The following UBE2H variants were observed in gnomAD, a reference collection of about 807,000 sequenced individuals.
The protein encoded by UBE2H is ubiquitin conjugating enzyme E2 H.
A neutral mutation model predicts 29.0 loss-of-function variants in UBE2H; 3 were observed. That is an observed-to-expected ratio of 0.10 (90% CI 0.05 to 0.27). The LOEUF is 0.27. Among genes scored for constraint, UBE2H ranks in the 10% least tolerant of loss-of-function variants. The pLI is 1.00. For missense variants in UBE2H, 68 were observed against 228.2 expected, an observed-to-expected ratio of 0.30 and a Z score of 4.52; for synonymous variants, 69 against 82.9, an observed-to-expected ratio of 0.83 and a Z score of 0.91.
intron 1 of UBE2H, among the ~76,000 whole-genome samples, chr7:129,929,355 C>T (rs1384446433): frequency 6.6e-6 from 1 of 151,270 alleles, no homozygotes; most frequent in African/African-American, 2.4e-5. Context: ...ATTTAATGCA[C>T]CATATCCCGT....
At position 129,895,336 on chromosome 7, in the gene UBE2H, A is replaced by C. The variant is rs374706226; in HGVS notation, c.54-14365T>G. On this transcript the variant is annotated intron_variant, in intron 1 of 6. Coordinates refer to ENST00000355621, the MANE Select transcript of UBE2H (RefSeq NM_003344.4). ...TGGAGGGGAGACGAAACCATTGCGC[A>C]CATGAGAAAAACATGCAGGAAGAAC... is the stretch of plus-strand genomic sequence containing the variant. Among the ~76,000 whole-genome samples, 57 of 152,306 alleles carry C rather than the reference A, an allele frequency of 3.7e-4. No individual in the cohort carries two copies. In the South Asian group the frequency reaches 0.011, roughly 30 times the overall value.
At chr7:129,950,206 G>A (rs1807846360) in intron 1 of UBE2H, among the ~76,000 whole-genome samples, 1 of 152,008 alleles carries the variant, frequency 6.6e-6, no homozygotes, top group African/African-American at 2.4e-5. Flanking sequence ...AAATAAACAC[G>A]AAACAAAGAT....
chr7:129,854,072 T>TTTTTTATTTTTTTTTTA, intron 5 of UBE2H, among the ~76,000 whole-genome samples: 1 of 149,926 alleles, frequency 6.7e-6, no homozygotes, highest in African/African-American at 2.4e-5. Context: ...TTTTTTTTTT[T>TTTTTTATTTTTTTTTTA]TTTTTTTTTT....
intron 6 of UBE2H, among the ~76,000 whole-genome samples, chr7:129,835,674 C>T (rs752970757): frequency 1.3e-5 from 2 of 152,290 alleles, no homozygotes; most frequent in Admixed American, 6.5e-5. Flanking sequence ...GCTGCTACAG[C>T]CTTGGTGGAA....
chr7:129,900,909 C>T (rs987905997), intron 1 of UBE2H, among the ~76,000 whole-genome samples: 2 of 151,954 alleles, frequency 1.3e-5, no homozygotes, highest in Non-Finnish European at 1.5e-5. Flanking sequence ...CACCACCACG[C>T]CCGGCTAATT....
At chr7:129,904,284 T>C (rs1344830594) in intron 1 of UBE2H, among the ~76,000 whole-genome samples, 2 of 150,798 alleles carry the variant, frequency 1.3e-5, no homozygotes, top group African/African-American at 4.8e-5. Context: ...TTAAGGTGTG[T>C]CTTTTTTTTT....
intron 3 of UBE2H, among the ~76,000 whole-genome samples, chr7:129,861,858 A>G (rs1200263366): frequency 6.6e-6 from 1 of 152,226 alleles, no homozygotes; most frequent in Admixed American, 6.5e-5. Context: ...ACTGCACTCC[A>G]GCCTGGAAGC....
At chr7:129,937,205 T>C (rs1421120493) in intron 1 of UBE2H, among the ~76,000 whole-genome samples, 1 of 151,930 alleles carries the variant, frequency 6.6e-6, no homozygotes, top group African/African-American at 2.4e-5. Context: ...GGCAGGCACC[T>C]GTAGCCCCAG....
At position 129,934,217 on chromosome 7, in the gene UBE2H, G is replaced by A. The variant is rs578082826; in HGVS notation, c.53+18286C>T. ...CACGACTGTACTCCTAGCTACTCAG[G>A]AGGCTGAGGCAGGAGGACCGCTTGA... is the stretch of plus-strand genomic sequence containing the variant. On this transcript the variant is annotated intron_variant, in intron 1 of 6. Transcript: ENST00000355621. Among the ~76,000 whole-genome samples, 3 of 152,264 alleles carry A rather than the reference G, an allele frequency of 2.0e-5. No homozygotes were observed. In the East Asian group the frequency reaches 5.8e-4, roughly 29 times the overall value.
intron 5 of UBE2H, among the ~76,000 whole-genome samples, chr7:129,852,048 G>A (rs138263225): frequency 3.0e-4 from 46 of 152,298 alleles, no homozygotes; most frequent in Non-Finnish European, 2.6e-4. Flanking sequence ...GATGACGTTT[G>A]TGATTCAACA....
In UBE2H at chr7:129,900,531, A is replaced by T. The variant is rs150556610; in HGVS notation, c.54-19560T>A. 3.1e-3 allele frequency among the ~76,000 whole-genome samples: 471 copies of T among 152,120 alleles called. 6 individuals are homozygous for T. The highest frequency in any genetic ancestry group is 0.011 in the African/African-American group (440 of 41,496). ...TTGGAGTATCAGGATTTTCAACCTC[A>T]CCCCCATGTTTCTTCTTCCTCTCCA... On this transcript the variant is annotated intron_variant, in intron 1 of 6. Coordinates refer to ENST00000355621, the MANE Select transcript of UBE2H (RefSeq NM_003344.4).
intron 1 of UBE2H, among the ~76,000 whole-genome samples, chr7:129,895,911 T>C (rs2116409661): frequency 6.6e-6 from 1 of 152,074 alleles, no homozygotes; most frequent in Non-Finnish European, 1.5e-5. Context: ...ACTTCCCCTT[T>C]TGGGCGGTAT....
At chr7:129,909,152 A>G (rs1275525639) in intron 1 of UBE2H, among the ~76,000 whole-genome samples, 1 of 152,220 alleles carries the variant, frequency 6.6e-6, no homozygotes, top group Non-Finnish European at 1.5e-5. Flanking sequence ...CCTCTCTCTC[A>G]GAGAAGGAAT....
chr7:129,930,909 C>CCAA (rs752876617), intron 1 of UBE2H, among the ~76,000 whole-genome samples: 1 of 34,282 alleles, frequency 2.9e-5, no homozygotes, highest in Non-Finnish European at 5.1e-5. Context: ...CCCCGTCTCA[C>CCAA]AAAAAAAAAA....
chr7:129,839,353 C>T lies in UBE2H; in HGVS notation c.299-18G>A, dbSNP rs1805384494. Reference sequence around the variant, plus strand: ...GGTAAGATCTGAAAAACCAAACAAACATGTCACACATGGGAAATGCAAGTT... The same window carrying T: ...GGTAAGATCTGAAAAACCAAACAAATATGTCACACATGGGAAATGCAAGTT... On this transcript the variant is annotated intron_variant, in intron 5 of 6. Transcript: ENST00000355621. The T allele has an allele frequency of 8.7e-6, 14 of 1,611,818 alleles. No homozygotes were observed. The highest frequency in any genetic ancestry group is 2.2e-5 in the East Asian group (1 of 44,796).
intron 4 of UBE2H, 143 bp downstream of exon 4, chr7:129,858,759 G>T: frequency 1.4e-6 from 1 of 718,788 alleles, no homozygotes; most frequent in Non-Finnish European, 2.3e-6. Context: ...ATATCCTTTG[G>T]ATTCTATCAT....
chr7:129,857,378 C>G, intron 5 of UBE2H, 133 bp downstream of exon 5: 1 of 846,666 alleles, frequency 1.2e-6, no homozygotes, highest in Middle Eastern at 2.3e-4. Context: ...ACTGATCAAA[C>G]TTTCCCAGTC....
intron 3 of UBE2H, among the ~76,000 whole-genome samples, chr7:129,866,941 A>C (rs898696797): frequency 6.6e-6 from 1 of 152,228 alleles, no homozygotes; most frequent in African/African-American, 2.4e-5. Context: ...GGCATACAGT[A>C]AGCATGCAGT....
rs1016712552 is a variant in UBE2H at position 129,899,239 on chromosome 7, G to T, written c.54-18268C>A. 2.8e-5 allele frequency among the ~76,000 whole-genome samples: 4 copies of T among 144,878 alleles called. No homozygotes were observed. The Admixed American group carries it at 2.8e-4, about 10-fold the overall frequency. The stretch of plus-strand genomic sequence containing the variant: ...TTCAAGTATCTGTTTGCAATTTCTA[G>T]AAGTGGAACTTCTATTCAAAGGGCT... On this transcript the variant is annotated intron_variant, in intron 1 of 6. Coordinates refer to ENST00000355621, the MANE Select transcript of UBE2H (RefSeq NM_003344.4).
Sources: gnomAD v4.1 joint callset for allele counts (sites outside exome capture counted in the v4.1 genomes callset) on GRCh38, gnomAD v4.1.1 for gene constraint, MANE v1.5 for transcripts, NCBI Gene and HGNC (gene_info 2026-07-23, HGNC 2026-07-21) for gene names.